The following SNX13 variants were observed in gnomAD, a reference collection of about 807,000 sequenced individuals.
SNX13 encodes sorting nexin 13.
A neutral mutation model predicts 133.6 loss-of-function variants in SNX13; 45 were observed. The ratio of observed to expected loss-of-function variants is 0.34; its 90% CI spans 0.27 to 0.43. The LOEUF is 0.43. Among genes scored for constraint, SNX13 ranks in the 20% least tolerant of loss-of-function variants. The pLI, the probability that SNX13 is intolerant of heterozygous loss-of-function variation, is 1.00. For missense variants in SNX13, 1,032 were observed against 1,145.1 expected (o/e 0.90, Z 1.43); for synonymous variants, 414 against 373.9 (o/e 1.11, Z -1.24).
intron 9 of SNX13, among the ~76,000 whole-genome samples, chr7:17,858,668 C>T (rs1257102863): frequency 6.6e-6 from 1 of 151,816 alleles, no homozygotes; most frequent in Non-Finnish European, 1.5e-5. Context: ...CAAAACAATC[C>T]TAGAGAAAAA....
chr7:17,821,711 C>T (rs754262518), intron 17 of SNX13, 63 bp from the exon 18 acceptor site: 13 of 1,475,806 alleles, frequency 8.8e-6, no homozygotes, highest in East Asian at 4.9e-5. Context: ...TGAAGAGGAA[C>T]GAAAGACACA....
At chr7:17,797,716 A>G (rs1328425490) in intron 24 of SNX13, among the ~76,000 whole-genome samples, 1 of 151,794 alleles carries the variant, frequency 6.6e-6, no homozygotes, top group African/African-American at 2.4e-5. Context: ...GGTGATTCCA[A>G]TGAACAGCCA....
intron 12 of SNX13, among the ~76,000 whole-genome samples, chr7:17,844,374 G>A (rs1345320767): frequency 1.3e-5 from 2 of 151,916 alleles, no homozygotes; most frequent in Non-Finnish European, 2.9e-5. Context: ...AAAATCTGAG[G>A]AGACTGATAA....
intron 12 of SNX13, among the ~76,000 whole-genome samples, chr7:17,843,991 G>A (rs928265533): frequency 6.6e-6 from 1 of 151,742 alleles, no homozygotes; most frequent in African/African-American, 2.4e-5. Context: ...ATGTTGTAAA[G>A]CTTTTTAACT....
chr7:17,881,355 C>T (rs572188579), intron 5 of SNX13: 3 of 151,890 alleles, frequency 2.0e-5, no homozygotes, highest in South Asian at 2.1e-4. Flanking sequence ...CACACACACA[C>T]GCACGTTAAG....
At chr7:17,862,546 TTATC>T (rs1424556620) in intron 9 of SNX13, among the ~76,000 whole-genome samples, 1 of 152,192 alleles carries the variant, frequency 6.6e-6, no homozygotes, top group Admixed American at 6.5e-5. Flanking sequence ...AATGGGATAT[TTATC>T]TAACATATAT....
At chr7:17,854,711 T>C (rs1425456922) in intron 9 of SNX13, among the ~76,000 whole-genome samples, 1 of 152,220 alleles carries the variant, frequency 6.6e-6, no homozygotes, top group East Asian at 1.9e-4. Context: ...AATTGTTTTG[T>C]ATATTCTGAC....
At chr7:17,863,002 G>A (rs911361326) in intron 9 of SNX13, among the ~76,000 whole-genome samples, 1 of 152,108 alleles carries the variant, frequency 6.6e-6, no homozygotes, top group Non-Finnish European at 1.5e-5. Flanking sequence ...GGACAGCACA[G>A]CACAGAAAGA....
intron 1 of SNX13, among the ~76,000 whole-genome samples, chr7:17,917,824 A>C (rs1799721573): frequency 6.6e-6 from 1 of 152,166 alleles, no homozygotes; most frequent in African/African-American, 2.4e-5. Context: ...ACTACAAAAG[A>C]GCCTGAATAG....
chr7:17,873,812 A>C (rs1292926321), intron 7 of SNX13, among the ~76,000 whole-genome samples, 196 bp from the exon 8 acceptor site: 9 of 152,088 alleles, frequency 5.9e-5, no homozygotes, highest in Non-Finnish European at 1.3e-4. Context: ...TCATTAATCA[A>C]CTTAATTTTT....
intron 8 of SNX13, among the ~76,000 whole-genome samples, chr7:17,872,409 G>A (rs770851427): frequency 6.6e-6 from 1 of 152,156 alleles, no homozygotes; most frequent in Non-Finnish European, 1.5e-5. Context: ...AGATTATTAT[G>A]CCAAATGGAT....
chr7:17,803,367 T>C (rs540360747), intron 21 of SNX13, 52 bp downstream of exon 21: 2 of 1,488,702 alleles, frequency 1.3e-6, no homozygotes, highest in Non-Finnish European at 1.8e-6. Flanking sequence ...TCAATACATC[T>C]TATTGACTTA....
chr7:17,853,953 A>G (rs2691623), intron 9 of SNX13, among the ~76,000 whole-genome samples: 83,129 of 150,050 alleles, frequency 0.55, 23,251 homozygotes, highest in South Asian at 0.68. Flanking sequence ...AAAAAAATAA[A>G]AAAAGAAAAA....
intron 1 of SNX13, among the ~76,000 whole-genome samples, chr7:17,920,802 A>G (rs1583788664): frequency 6.6e-6 from 1 of 152,334 alleles, no homozygotes; most frequent in East Asian, 1.9e-4. Context: ...TTTTCACTCT[A>G]AGTCTATATC....
intron 9 of SNX13, among the ~76,000 whole-genome samples, chr7:17,858,054 C>T (rs1031218366): frequency 3.3e-5 from 5 of 152,110 alleles, no homozygotes; most frequent in African/African-American, 1.2e-4. Flanking sequence ...CCATATATGA[C>T]AAACTCACAG....
chr7:17,798,084 G>A (rs1458062650), intron 24 of SNX13, among the ~76,000 whole-genome samples: 3 of 151,794 alleles, frequency 2.0e-5, no homozygotes, highest in Non-Finnish European at 3.0e-5. Flanking sequence ...GAATTTTTAC[G>A]CATTGCTTAT....
intron 1 of SNX13, among the ~76,000 whole-genome samples, chr7:17,911,671 T>C (rs905551067): frequency 2.0e-5 from 3 of 151,830 alleles, no homozygotes; most frequent in African/African-American, 7.2e-5. Context: ...ACATAATTGC[T>C]TCCCATAACG....
intron 9 of SNX13, among the ~76,000 whole-genome samples, chr7:17,853,778 C>T (rs372309677): frequency 3.8e-4 from 58 of 152,114 alleles, no homozygotes; most frequent in African/African-American, 1.3e-3. Context: ...CCCGTCTCTA[C>T]TAAAAATACA....
chr7:17,935,003 T>C (rs963288800), intron 1 of SNX13, among the ~76,000 whole-genome samples: 4 of 152,164 alleles, frequency 2.6e-5, no homozygotes, highest in African/African-American at 7.2e-5. Flanking sequence ...AAAACTACCA[T>C]ACAATCTCAC....
Sources: allele counts gnomAD v4.1 joint callset (sites outside exome capture counted in the v4.1 genomes callset), GRCh38; gene constraint gnomAD v4.1.1; transcripts MANE v1.5; gene names NCBI Gene and HGNC (gene_info 2026-07-23, HGNC 2026-07-21).